The following GANC variants were observed in gnomAD, a reference collection of about 807,000 sequenced individuals.
The protein encoded by GANC is glucosidase alpha, neutral C.
GANC carries 117 observed loss-of-function variants against 124.2 expected under a neutral mutation model. The ratio of observed to expected loss-of-function variants is 0.94; its 90% CI spans 0.81 to 1.10. The LOEUF is 1.10. Among genes scored for constraint, GANC ranks in the 50% least tolerant of loss-of-function variants. The pLI, the probability that GANC is intolerant of heterozygous loss-of-function variation, is 0.00. For missense variants in GANC, 1,140 were observed against 1,095.0 expected (o/e 1.04, Z -0.58); for synonymous variants, 377 against 376.8 (o/e 1.00, Z -0.01).
chr15:42,339,604 A>T, intron 16 of GANC, 65 bp from the exon 17 acceptor site: 7 of 1,570,956 alleles, frequency 4.5e-6, no homozygotes, highest in African/African-American at 1.4e-5. Flanking sequence ...TCAAGACCTT[A>T]ATTTCCCTGT....
intron 10 of GANC, among the ~76,000 whole-genome samples, chr15:42,316,398 G>A (rs577779318): frequency 3.1e-4 from 47 of 152,286 alleles, no homozygotes; most frequent in Non-Finnish European, 6.2e-4. Flanking sequence ...GCAGGGTAAG[G>A]AAGGTGAGTC....
chr15:42,273,238 G>T lies in GANC; in HGVS notation c.-1244G>T, dbSNP rs1245570051. On this transcript the variant is annotated 5_prime_UTR_variant, in exon 1 of 24. Coordinates refer to ENST00000318010, the MANE Select transcript of GANC (RefSeq NM_198141.3). ...CTTGCTCCTCTAGGTTCAGACGTTA[G>T]TGAAGTGAATACTCACCGACGGTAT... 1.9e-6 allele frequency: 3 copies of T among 1,613,090 alleles called. No homozygotes were observed. The African/African-American group carries it at 4.0e-5, about 22-fold the overall frequency.
At chr15:42,296,485 C>G (rs2051892530) in intron 5 of GANC, among the ~76,000 whole-genome samples, 1 of 152,256 alleles carries the variant, frequency 6.6e-6, no homozygotes, top group South Asian at 2.1e-4. Context: ...CTCCCAATTG[C>G]AGGTTCAAGC....
rs1183989672 is a variant in GANC, at chr15:42,339,679, C to T, written c.1854C>T (p.Gly618=). Residue 618 remains glycine (G), a synonymous_variant, in exon 17 of 24, where the codon GGC becomes GGT. Transcript: ENST00000318010. ...TGISFCGADI[G]GFIGNPETEL... is the part of the protein sequence containing the mutation. ...TTCTTTTGCTTCCAGCTGACATAGG[C>T]GGGTTCATTGGGAATCCAGAGACAG... The T allele has an allele frequency of 1.2e-6, 2 of 1,612,776 alleles. No individual in the cohort carries two copies. The highest frequency in any genetic ancestry group is 1.7e-6 in the Non-Finnish European group (2 of 1,178,916).
rs778376955 is a variant in GANC at position 42,339,805 on chromosome 15, G to A, written c.1980G>A (p.Glu660=). The A allele has an allele frequency of 6.2e-7, 1 of 1,614,124 alleles. No homozygotes were observed. Among genetic ancestry groups the A allele is most frequent in the South Asian group, 1.1e-5 (1 of 91,076 alleles). Residue 660 remains glutamate, a synonymous_variant, in exon 17 of 24, where the codon GAG becomes GAA. Transcript: ENST00000318010. ...TKRREPWLFG[E]EHTRLIREAI... is the part of the protein sequence containing the mutation. The stretch of plus-strand genomic sequence containing the variant: ...GACGAGAGCCCTGGCTCTTTGGGGA[G>A]GAACACACCCGACTCATCCGAGAAG...
Position 42,349,437 on chromosome 15 carries a change from C to CA in GANC, c.2474dup (p.His825GlnfsTer20). On this transcript the variant is annotated frameshift_variant, in exon 22 of 24. Transcript: ENST00000318010. LOFTEE classifies it high-confidence loss of function. Reference sequence around the variant, plus strand: ...TGATGGCCATTCATTCCAATACCTCCACCAGAAGCAATTTTTGCACAGGAA... The same window carrying CA: ...TGATGGCCATTCATTCCAATACCTCCAACCAGAAGCAATTTTTGCACAGGAA... 4.3e-6 allele frequency: 7 copies of CA among 1,613,904 alleles called. No individual in the cohort carries two copies. The highest frequency in any genetic ancestry group is 5.9e-6 in the Non-Finnish European group (7 of 1,179,824).
Position 42,339,885 on chromosome 15 carries a change from C to G in GANC, c.2060C>G (p.Ala687Gly). 1 of 1,614,048 alleles carries G rather than the reference C, an allele frequency of 6.2e-7. No homozygotes were observed. The highest frequency in any genetic ancestry group is 1.3e-5 in the African/African-American group (1 of 75,054). Residue 687 changes from alanine to glycine, a missense_variant, in exon 17 of 24, where the codon GCA becomes GGA. By Grantham distance (60) the Ala-to-Gly change is moderately conservative (BLOSUM62 0). Transcript: ENST00000318010. ...TATTGGTATTCTCTGTTCTACCATG[C>G]ACACGTGGCTTCCCAACCTGTCATG... ...LPYWYSLFYH[A>G]HVASQPVMRP...
chr15:42,339,749 T>G lies in GANC; in HGVS notation c.1924T>G (p.Phe642Val), dbSNP rs748176078. The G allele has an allele frequency of 6.2e-7, 1 of 1,614,184 alleles. No individual in the cohort carries two copies. Among genetic ancestry groups the G allele is most frequent in the Non-Finnish European group, 8.5e-7 (1 of 1,180,024 alleles). ...CCAGGCTGGAGCCTACCAGCCCTTC[T>G]TCCGTGGCCATGCCACCATGAACAC... ...WYQAGAYQPF[F>V]RGHATMNTKR... Residue 642 changes from phenylalanine to valine, a missense_variant, in exon 17 of 24, where the codon TTC becomes GTC. Physicochemically the swap from Phe to Val is conservative, Grantham distance 50 (BLOSUM62 -1). Coordinates refer to ENST00000318010, the MANE Select transcript of GANC (RefSeq NM_198141.3).
intron 12 of GANC, 38 bp from the exon 13 acceptor site, chr15:42,327,325 C>G: frequency 6.7e-7 from 1 of 1,486,482 alleles, no homozygotes; most frequent in African/African-American, 1.4e-5. Context: ...GTGAGGACCA[C>G]TGTTCTTGAC....
chr15:42,288,622 TTAAAA>T (rs1791829998), intron 4 of GANC, among the ~76,000 whole-genome samples: 1 of 152,336 alleles, frequency 6.6e-6, no homozygotes, highest in Middle Eastern at 3.4e-3. Flanking sequence ...CATCAAAAGT[TTAAAA>T]TATATCTATT....
At chr15:42,276,663 A>C (rs1379484487) in intron 2 of GANC, among the ~76,000 whole-genome samples, 11 of 152,178 alleles carry the variant, frequency 7.2e-5, no homozygotes, top group Admixed American at 7.2e-4. Flanking sequence ...GACGCTTTGA[A>C]TAGATAACAC....
chr15:42,349,742 G>A (rs2052406742), intron 22 of GANC, among the ~76,000 whole-genome samples: 1 of 151,848 alleles, frequency 6.6e-6, no homozygotes, highest in African/African-American at 2.4e-5. Context: ...CCACCTCCTG[G>A]GTTCAAGTGA....
intron 4 of GANC, among the ~76,000 whole-genome samples, chr15:42,291,432 G>A (rs2051841216): frequency 6.6e-6 from 1 of 152,164 alleles, no homozygotes; most frequent in Admixed American, 6.5e-5. Context: ...CACAGACTTA[G>A]AGAGATAAAG....
At chr15:42,299,725 C>A (rs565905402) in intron 6 of GANC, among the ~76,000 whole-genome samples, 3 of 152,276 alleles carry the variant, frequency 2.0e-5, no homozygotes, top group African/African-American at 2.4e-5. Context: ...GCTACAGTAA[C>A]CAAAACAGCA....
intron 23 of GANC, 82 bp downstream of exon 23, chr15:42,351,514 G>A: frequency 1.0e-6 from 1 of 964,328 alleles, no homozygotes; most frequent in Non-Finnish European, 1.6e-6. Flanking sequence ...TCCCCAAACG[G>A]AGATAATATG....
At chr15:42,314,877 T>C (rs2052089093) in intron 10 of GANC, 1 of 152,228 alleles carries the variant, frequency 6.6e-6, no homozygotes, top group Admixed American at 6.5e-5. Context: ...TAAATGCAGG[T>C]TGTCTACTAA....
intron 5 of GANC, among the ~76,000 whole-genome samples, chr15:42,297,073 C>A (rs1198821401): frequency 6.6e-6 from 1 of 152,210 alleles, no homozygotes; most frequent in Non-Finnish European, 1.5e-5. Flanking sequence ...TAAATTGTCA[C>A]AATCATTCTG....
chr15:42,276,735 G>T lies in GANC; in HGVS notation c.92+325G>T, dbSNP rs552349777. Among the ~76,000 whole-genome samples the T allele has an allele frequency of 3.5e-3, 536 of 152,138 alleles. 4 individuals are homozygous for T. Among genetic ancestry groups the T allele is most frequent in the African/African-American group, 0.012 (516 of 41,510 alleles). ...ATTGAAAAATGTTGCTTCCACTCCT[G>T]TCCCCTTCTACCCATTCCTCATCTT... On this transcript the variant is annotated intron_variant, in intron 2 of 23. Coordinates refer to ENST00000318010, the MANE Select transcript of GANC (RefSeq NM_198141.3).
chr15:42,305,516 C>A (rs988020175), intron 6 of GANC, among the ~76,000 whole-genome samples: 2 of 152,212 alleles, frequency 1.3e-5, no homozygotes, highest in African/African-American at 2.4e-5. Flanking sequence ...TAAATTAGTT[C>A]AACCATTGTG....
Sources: allele counts gnomAD v4.1 joint callset (sites outside exome capture counted in the v4.1 genomes callset), GRCh38; gene constraint gnomAD v4.1.1; transcripts MANE v1.5; gene names NCBI Gene and HGNC (gene_info 2026-07-23, HGNC 2026-07-21).